Variants in SGMS2 observed in about 807,000 individuals in gnomAD.
SGMS2 encodes the protein sphingomyelin synthase 2.
Under a neutral mutation model 43.8 loss-of-function variants are expected in SGMS2, and 21 were observed. That is an observed-to-expected ratio of 0.48 (90% CI 0.34 to 0.69). The LOEUF is 0.69. Ranked by LOEUF, SGMS2 falls within the 30% of genes least tolerant of loss-of-function variation. The pLI, the probability that SGMS2 is intolerant of heterozygous loss-of-function variation, is 0.01. For synonymous variants in SGMS2, 167 were observed against 160.6 expected, an observed-to-expected ratio of 1.04 and a Z score of -0.30; for missense variants, 384 against 443.2, an observed-to-expected ratio of 0.87 and a Z score of 1.20.
intron 2 of SGMS2, among the ~76,000 whole-genome samples, chr4:107,874,573 A>G (rs1406708768): frequency 6.6e-6 from 1 of 152,218 alleles, no homozygotes; most frequent in East Asian, 1.9e-4. Flanking sequence ...CTTAAGTACT[A>G]TGATGAATAA....
chr4:107,895,189 C>T (rs554124212), intron 2 of SGMS2, 121 bp from the exon 3 acceptor site: 10 of 192,856 alleles, frequency 5.2e-5, no homozygotes, highest in East Asian at 1.3e-4. Context: ...TAGGTTCTGA[C>T]GTTACATTTA....
chr4:107,897,527 A>T (rs1014898895), intron 3 of SGMS2, among the ~76,000 whole-genome samples: 1 of 152,238 alleles, frequency 6.6e-6, no homozygotes, highest in African/African-American at 2.4e-5. Flanking sequence ...GAAATTGTCC[A>T]GAATCTGGTA....
intron 2 of SGMS2, among the ~76,000 whole-genome samples, chr4:107,876,768 A>G (rs1236958700): frequency 6.6e-6 from 1 of 152,162 alleles, no homozygotes; most frequent in African/African-American, 2.4e-5. Flanking sequence ...CAACAAGATT[A>G]TGTTTCCAAA....
intron 5 of SGMS2, 197 bp from the exon 6 acceptor site, chr4:107,908,368 G>A: frequency 3.7e-6 from 2 of 540,736 alleles, no homozygotes; most frequent in Non-Finnish European, 6.5e-6. Context: ...TACGCCCGCT[G>A]CCAGGGAGCC....
intron 1 of SGMS2, among the ~76,000 whole-genome samples, chr4:107,850,455 C>T (rs954616918): frequency 6.6e-6 from 1 of 152,040 alleles, no homozygotes; most frequent in African/African-American, 2.4e-5. Context: ...TTTACTTTTT[C>T]CTATAGCAAG....
At chr4:107,881,929 G>A (rs1729388839) in intron 2 of SGMS2, among the ~76,000 whole-genome samples, 1 of 152,100 alleles carries the variant, frequency 6.6e-6, no homozygotes, top group African/African-American at 2.4e-5. Context: ...CATCCATATT[G>A]CAAATGATGA....
At chr4:107,847,457 T>G (rs1448353392) in intron 1 of SGMS2, among the ~76,000 whole-genome samples, 3 of 152,120 alleles carry the variant, frequency 2.0e-5, no homozygotes, top group South Asian at 4.2e-4. Context: ...GGCTCTGTTC[T>G]GTTCCATTGA....
intron 1 of SGMS2, among the ~76,000 whole-genome samples, chr4:107,846,879 T>C (rs1261311620): frequency 0.016 from 2,430 of 151,512 alleles, 29 homozygotes; most frequent in Non-Finnish European, 0.024. Context: ...ATGAGCATTT[T>C]TTCATGTGTC....
At chr4:107,838,578 A>G (rs1726327879) in intron 1 of SGMS2, among the ~76,000 whole-genome samples, 1 of 152,178 alleles carries the variant, frequency 6.6e-6, no homozygotes, top group Admixed American at 6.5e-5. Context: ...TTCTAGTACA[A>G]TATCAAAACC....
chr4:107,910,591 G>A lies in SGMS2; in HGVS notation c.*38G>A. The A allele has an allele frequency of 6.3e-7, 1 of 1,586,746 alleles. No individual in the cohort carries two copies. Among genetic ancestry groups the A allele is most frequent in the Admixed American group, 1.7e-5 (1 of 57,264 alleles). On this transcript the variant is annotated 3_prime_UTR_variant, in exon 7 of 7. Transcript: ENST00000690982. ...AGGCATCAGCTCTTACACCAAAAGA[G>A]TTAACGCTGTAACCAAAGGTATAGT...
In SGMS2 at chr4:107,895,548, G is replaced by A. The variant is rs778400449; in HGVS notation, c.-6G>A. 5.0e-6 allele frequency: 8 copies of A among 1,607,704 alleles called. No individual in the cohort carries two copies. The Admixed American group carries it at 6.7e-5, about 14-fold the overall frequency. On this transcript the variant is annotated 5_prime_UTR_variant, in exon 3 of 7. Transcript: ENST00000690982. ...ATCTCCTTTTTGATCTGAAGACTAG[G>A]GGACAATGGATATCATAGAGACAGC...
chr4:107,849,970 T>C (rs1041662682), intron 1 of SGMS2, among the ~76,000 whole-genome samples: 1 of 152,230 alleles, frequency 6.6e-6, no homozygotes, highest in African/African-American at 2.4e-5. Context: ...TGTTGAATTA[T>C]AATCCCCAGT....
chr4:107,840,332 G>A (rs950557196), intron 1 of SGMS2, among the ~76,000 whole-genome samples: 2 of 152,180 alleles, frequency 1.3e-5, no homozygotes. Context: ...CCTCCTAACT[G>A]GGCGAGGGCT....
Position 107,910,546 on chromosome 4 carries a change from C to T in SGMS2, c.1091C>T (p.Ser364Leu), listed in dbSNP as rs1732040923. 1.1e-5 allele frequency: 17 copies of T among 1,613,694 alleles called. No individual in the cohort carries two copies. The highest frequency in any genetic ancestry group is 4.5e-5 in the East Asian group (2 of 44,812). The change falls in exon 7 of 7, where the codon TCG becomes TTG. Residue 364 changes from serine (S) to leucine (L), a missense_variant. Ser to Leu is a moderately radical substitution (Grantham distance 145). Transcript: ENST00000690982. Reference protein sequence around the residue: ...VQKIGEDNEKST With the variant: ...VQKIGEDNEKLT The stretch of plus-strand genomic sequence containing the variant: ...AAGATTGGTGAAGACAATGAGAAAT[C>T]GACCTGAGGAGCAAAACAAAGGCAT...
intron 2 of SGMS2, among the ~76,000 whole-genome samples, chr4:107,878,580 A>G (rs1046279723): frequency 2.0e-5 from 3 of 151,926 alleles, no homozygotes; most frequent in African/African-American, 7.3e-5. Context: ...TAATCTACCT[A>G]CCTACCTATT....
chr4:107,852,003 T>C (rs945993967), intron 1 of SGMS2, among the ~76,000 whole-genome samples: 3 of 151,916 alleles, frequency 2.0e-5, no homozygotes, highest in African/African-American at 7.2e-5. Context: ...CTGATCAAAA[T>C]GAAAAATGAG....
chr4:107,866,314 C>T (rs1376712927), intron 2 of SGMS2, among the ~76,000 whole-genome samples: 1 of 152,040 alleles, frequency 6.6e-6, no homozygotes, highest in Non-Finnish European at 1.5e-5. Context: ...CCTGTAATCC[C>T]TAGCACTTTG....
At chr4:107,906,080 T>C (rs1267786857) in intron 5 of SGMS2, among the ~76,000 whole-genome samples, 2 of 152,216 alleles carry the variant, frequency 1.3e-5, no homozygotes, top group African/African-American at 4.8e-5. Flanking sequence ...TTCTATGCAA[T>C]TAGGAAAAAC....
intron 5 of SGMS2, among the ~76,000 whole-genome samples, chr4:107,905,532 T>C (rs1731480812): frequency 6.6e-6 from 1 of 152,186 alleles, no homozygotes; most frequent in South Asian, 2.1e-4. Context: ...ATTTGATCCT[T>C]ACAACCACCC....
Sources: gnomAD v4.1 joint callset for allele counts (sites outside exome capture counted in the v4.1 genomes callset) on GRCh38, gnomAD v4.1.1 for gene constraint, MANE v1.5 for transcripts, NCBI Gene and HGNC (gene_info 2026-07-23, HGNC 2026-07-21) for gene names.